Variants in TNRC6B observed in about 807,000 individuals in gnomAD.
TNRC6B encodes trinucleotide repeat containing adaptor 6B.
A neutral mutation model predicts 203.6 loss-of-function variants in TNRC6B; 52 were observed. The observed-to-expected ratio is 0.26, with a 90% CI of 0.20 to 0.32. The LOEUF (loss-of-function observed/expected upper bound fraction) is 0.32, where lower values mean the gene tolerates loss of function less well. TNRC6B is among the 10% of genes least tolerant of loss of function. The pLI, the probability that TNRC6B is intolerant of heterozygous loss-of-function variation, is 1.00. For missense variants in TNRC6B, 1,923 were observed against 2,286.2 expected (o/e 0.84, Z 3.24); for synonymous variants, 838 against 845.7 (o/e 0.99, Z 0.16).
chr22:40,168,924 T>C (rs1020552010), intron 4 of TNRC6B, among the ~76,000 whole-genome samples: 26 of 152,184 alleles, frequency 1.7e-4, no homozygotes, highest in African/African-American at 5.8e-4. Context: ...AGCCATGTTA[T>C]ATCTCTATTT....
At chr22:40,160,457 CAA>C (rs2068862396) in intron 4 of TNRC6B, among the ~76,000 whole-genome samples, 1 of 117,590 alleles carries the variant, frequency 8.5e-6, no homozygotes, top group Admixed American at 9.7e-5. Context: ...GCCTGGGCAA[CAA>C]GAGTGAAACT....
chr22:40,305,992 T>G (rs756962550), intron 15 of TNRC6B, among the ~76,000 whole-genome samples: 9 of 152,142 alleles, frequency 5.9e-5, no homozygotes, highest in Non-Finnish European at 1.3e-4. Context: ...CAGCTGAAAT[T>G]AAAGAAATTT....
intron 1 of TNRC6B, among the ~76,000 whole-genome samples, chr22:40,053,077 A>G (rs1423124215): frequency 6.6e-6 from 1 of 151,740 alleles, no homozygotes; most frequent in African/African-American, 2.4e-5. Context: ...TTTTCCCCCA[A>G]ACCACCTTAT....
intron 1 of TNRC6B, among the ~76,000 whole-genome samples, chr22:40,062,820 G>A (rs1326066189): frequency 6.6e-6 from 1 of 151,858 alleles, no homozygotes; most frequent in Non-Finnish European, 1.5e-5. Context: ...TTGTCTTATT[G>A]TTCAATTATA....
intron 3 of TNRC6B, among the ~76,000 whole-genome samples, chr22:40,135,724 A>G (rs1033105859): frequency 1.3e-5 from 2 of 152,108 alleles, no homozygotes; most frequent in African/African-American, 4.8e-5. Context: ...GCTGGTCTCA[A>G]ACTTCTGACT....
At chr22:40,302,713 C>T (rs924721182) in intron 15 of TNRC6B, among the ~76,000 whole-genome samples, 5 of 151,896 alleles carry the variant, frequency 3.3e-5, no homozygotes, top group East Asian at 3.9e-4. Context: ...CAAATGGCAG[C>T]GGCTGACTGT....
intron 1 of TNRC6B, chr22:40,106,801 T>G (rs1217496831): frequency 1.8e-6 from 2 of 1,083,128 alleles, no homozygotes; most frequent in Admixed American, 3.4e-5. Flanking sequence ...CAAATGCCAA[T>G]TTGGGTTCTG....
chr22:40,189,514 AAG>A (rs1259308849), intron 1 of TNRC6B, among the ~76,000 whole-genome samples: 1 of 151,822 alleles, frequency 6.6e-6, no homozygotes, highest in East Asian at 1.9e-4. Context: ...AAAAAAAAAA[AAG>A]AGGTTTCTTT....
chr22:40,077,045 GAAAGGA>G (rs909997119), intron 1 of TNRC6B, among the ~76,000 whole-genome samples: 2 of 142,216 alleles, frequency 1.4e-5, no homozygotes, highest in African/African-American at 2.6e-5. Context: ...AAAAGAAAAG[GAAAGGA>G]AAAGGAAAAG....
At chr22:40,221,852 G>A (rs962944084) in intron 1 of TNRC6B, among the ~76,000 whole-genome samples, 1 of 150,384 alleles carries the variant, frequency 6.6e-6, no homozygotes, top group Non-Finnish European at 1.5e-5. Context: ...TCCTTACCCA[G>A]GTGTTCTGTG....
chr22:40,059,392 CAAAT>C (rs1306365957), intron 1 of TNRC6B, among the ~76,000 whole-genome samples: 1 of 152,132 alleles, frequency 6.6e-6, no homozygotes, highest in Non-Finnish European at 1.5e-5. Flanking sequence ...TTTTTTTAAA[CAAAT>C]ATATCATTTA....
At chr22:40,312,480 C>G in intron 17 of TNRC6B, 25 bp from the exon 18 acceptor site, 1 of 1,596,390 alleles carries the variant, frequency 6.3e-7, no homozygotes, top group Non-Finnish European at 8.5e-7. Flanking sequence ...CCTTCCTTCT[C>G]TAATATTTGT....
At chr22:40,258,580 T>C (rs1032143565) in intron 3 of TNRC6B, among the ~76,000 whole-genome samples, 7 of 152,210 alleles carry the variant, frequency 4.6e-5, no homozygotes, top group Non-Finnish European at 8.8e-5. Flanking sequence ...TCTGACTGTT[T>C]CCTGGAGGTT....
chr22:40,210,350 C>T (rs5757875), intron 1 of TNRC6B, among the ~76,000 whole-genome samples: 2 of 152,344 alleles, frequency 1.3e-5, no homozygotes, highest in East Asian at 1.9e-4. Context: ...CTCATCCTAA[C>T]ACCAGGCATT....
rs1219888811 is a variant in TNRC6B at position 40,330,090 on chromosome 22, T to G, written c.*6849T>G. On this transcript the variant is annotated 3_prime_UTR_variant, in exon 23 of 23. Transcript: ENST00000454349. ...CGTTTAAAGCACTTTGTGCCTCAAC[T>G]TCATTTTTAAACTGTAAATCATTGC... The G allele has an allele frequency of 6.6e-6, 1 of 152,240 alleles. No individual in the cohort carries two copies. The highest frequency in any genetic ancestry group is 1.5e-5 in the Non-Finnish European group (1 of 68,046). 9.4% of individuals were successfully genotyped at this position (152,240 alleles called of 1,614,324 possible). A position where few individuals can be genotyped will look rare whatever the true frequency, so the allele number is the denominator to read the frequency against.
upstream of TNRC6B, among the ~76,000 whole-genome samples, chr22:40,174,757 G>A (rs1266227081): frequency 2.0e-5 from 3 of 151,334 alleles, no homozygotes; most frequent in South Asian, 2.1e-4. Context: ...CCCGGGAGGC[G>A]GAGCTTGCAG....
chr22:40,159,287 A>C (rs1357994898), intron 4 of TNRC6B, among the ~76,000 whole-genome samples: 2 of 150,452 alleles, frequency 1.3e-5, no homozygotes, highest in African/African-American at 2.4e-5. Flanking sequence ...TTTTAATAAA[A>C]GTAATGTAAT....
chr22:40,111,114 C>A (rs1171103547), intron 1 of TNRC6B, among the ~76,000 whole-genome samples: 1 of 152,190 alleles, frequency 6.6e-6, no homozygotes, highest in East Asian at 1.9e-4. Context: ...TCAGGAAAGA[C>A]TTCACAGAAC....
chr22:40,170,000 CT>C (rs2068956641), intron 4 of TNRC6B, among the ~76,000 whole-genome samples: 1 of 151,894 alleles, frequency 6.6e-6, no homozygotes, highest in Admixed American at 6.6e-5. Flanking sequence ...TATTTAGGGG[CT>C]GGGCATGGTG....
Sources: gnomAD v4.1 joint callset for allele counts (sites outside exome capture counted in the v4.1 genomes callset) on GRCh38, gnomAD v4.1.1 for gene constraint, MANE v1.5 for transcripts, NCBI Gene and HGNC (gene_info 2026-07-23, HGNC 2026-07-21) for gene names.